ACYP2: variants seen among roughly 807,000 people sequenced by gnomAD.
The protein encoded by ACYP2 is acylphosphatase-2.
A neutral mutation model predicts 11.2 loss-of-function variants in ACYP2; 12 were observed. The ratio of observed to expected loss-of-function variants is 1.08; its 90% confidence interval spans 0.69 to 1.74. ACYP2 has a LOEUF of 1.74. Among genes scored for constraint, ACYP2 ranks in the 40% most tolerant of loss-of-function variants. ACYP2 has a pLI of 0.00. For missense variants in ACYP2, 134 were observed against 101.9 expected (o/e 1.31, Z -1.35); for synonymous variants, 43 against 32.2 (o/e 1.33, Z -1.13).
chr2:54,122,263 T>C (rs1680204184), intron 4 of ACYP2, among the ~76,000 whole-genome samples: 1 of 152,228 alleles, frequency 6.6e-6, no homozygotes, highest in Admixed American at 6.5e-5. Flanking sequence ...TCTTTAAATA[T>C]CAGTGTGTGT....
chr2:53,982,357 C>T (rs1671807415), intron 2 of ACYP2, among the ~76,000 whole-genome samples: 1 of 152,056 alleles, frequency 6.6e-6, no homozygotes, highest in Non-Finnish European at 1.5e-5. Context: ...ATATCAAATC[C>T]CTAGTTCTCC....
intron 2 of ACYP2, among the ~76,000 whole-genome samples, chr2:54,042,111 A>AT (rs1468518622): frequency 6.6e-6 from 1 of 151,726 alleles, no homozygotes; most frequent in Non-Finnish European, 1.5e-5. Context: ...AGTGCAAGCA[A>AT]TTCTCCTGCC....
chr2:53,983,904 A>G (rs1384249412), intron 2 of ACYP2, among the ~76,000 whole-genome samples: 1 of 152,214 alleles, frequency 6.6e-6, no homozygotes, highest in African/African-American at 2.4e-5. Flanking sequence ...CAGAAAATGT[A>G]TATCATGGCA....
At chr2:54,044,313 G>A (rs1418582935) in intron 2 of ACYP2, among the ~76,000 whole-genome samples, 4 of 152,150 alleles carry the variant, frequency 2.6e-5, no homozygotes, top group African/African-American at 7.2e-5. Context: ...GAAGATCTAC[G>A]GCTGAGTGCG....
At chr2:54,090,158 AG>A (rs1230353762) in intron 4 of ACYP2, among the ~76,000 whole-genome samples, 1 of 150,174 alleles carries the variant, frequency 6.7e-6, no homozygotes, top group Admixed American at 6.7e-5. Context: ...AAAAAAAAAA[AG>A]TTTGCCCATG....
chr2:54,003,210 A>G (rs186159368), intron 2 of ACYP2, among the ~76,000 whole-genome samples: 159 of 152,212 alleles, frequency 1.0e-3, no homozygotes, highest in Non-Finnish European at 1.9e-3. Context: ...AGCCTCCCAA[A>G]GTGATGGGAT....
At position 53,972,306 on chromosome 2, in the gene ACYP2, G is replaced by T. The variant is rs1458466838; in HGVS notation, c.-37+985G>T. ...GCCTGGGCAACAAGAGCGAAACTCC[G>T]TCTCAAAAAATAAAAGGGCCAGGCG... On this transcript the variant is annotated intron_variant, in intron 1 of 6. Coordinates refer to ENST00000607452, the MANE Select transcript of ACYP2 (RefSeq NM_001320586.2). Among the ~76,000 whole-genome samples the T allele has an allele frequency of 6.6e-5, 9 of 135,382 alleles. No homozygotes were observed. In the East Asian group the frequency reaches 2.1e-3, roughly 31 times the overall value. 88.8% of individuals were successfully genotyped at this position (135,382 alleles called of 152,430 possible).
chr2:54,245,929 C>G (rs13407815), intron 6 of ACYP2, among the ~76,000 whole-genome samples: 1,970 of 152,168 alleles, frequency 0.013, 41 homozygotes, highest in African/African-American at 0.045. Flanking sequence ...AAATCTTGCC[C>G]CAGACCAATG....
At chr2:54,282,563 T>C (rs991376774) in intron 6 of ACYP2, among the ~76,000 whole-genome samples, 6 of 152,248 alleles carry the variant, frequency 3.9e-5, no homozygotes, top group Non-Finnish European at 7.3e-5. Context: ...AGAAAACTTA[T>C]TCACTTCCTT....
intron 6 of ACYP2, among the ~76,000 whole-genome samples, chr2:54,160,686 G>C (rs765181316): frequency 2.0e-5 from 3 of 152,196 alleles, no homozygotes; most frequent in Admixed American, 1.3e-4. Context: ...GGGAACATGT[G>C]ACTGGAACAT....
intron 6 of ACYP2, among the ~76,000 whole-genome samples, chr2:54,177,058 A>G (rs569515004): frequency 6.6e-6 from 1 of 152,278 alleles, no homozygotes; most frequent in South Asian, 2.1e-4. Flanking sequence ...ACAGATTTAG[A>G]GATTTGGGAT....
At chr2:54,156,132 T>C (rs2103819269) in intron 6 of ACYP2, among the ~76,000 whole-genome samples, 1 of 152,316 alleles carries the variant, frequency 6.6e-6, no homozygotes. Flanking sequence ...GGATGGAAAA[T>C]TCTACATATG....
intron 6 of ACYP2, among the ~76,000 whole-genome samples, chr2:54,163,242 A>G (rs1682804563): frequency 6.6e-6 from 1 of 152,160 alleles, no homozygotes; most frequent in Non-Finnish European, 1.5e-5. Context: ...TCTGTGATTT[A>G]TGTGTATATG....
At chr2:54,296,112 A>G (rs565916041) in intron 6 of ACYP2, among the ~76,000 whole-genome samples, 2 of 152,308 alleles carry the variant, frequency 1.3e-5, no homozygotes, top group South Asian at 4.1e-4. Context: ...GGCATATAAT[A>G]AACACATAGA....
At chr2:54,177,393 T>A (rs187741733) in intron 6 of ACYP2, among the ~76,000 whole-genome samples, 146 of 152,274 alleles carry the variant, frequency 9.6e-4, no homozygotes, top group African/African-American at 3.4e-3. Context: ...TGCTGGTAGT[T>A]ACTTCCTCTG....
intron 6 of ACYP2, among the ~76,000 whole-genome samples, chr2:54,186,328 C>T (rs1683993656): frequency 1.3e-5 from 2 of 152,154 alleles, no homozygotes; most frequent in Non-Finnish European, 2.9e-5. Context: ...TAGCTTCTCT[C>T]AGGCACTGCA....
chr2:54,108,503 C>T (rs377761071), intron 4 of ACYP2, among the ~76,000 whole-genome samples: 24 of 152,276 alleles, frequency 1.6e-4, no homozygotes, highest in Non-Finnish European at 2.4e-4. Flanking sequence ...ATCTCTTCCC[C>T]GGATAGGCTC....
At chr2:54,002,603 C>G (rs912236073) in intron 2 of ACYP2, among the ~76,000 whole-genome samples, 1 of 149,814 alleles carries the variant, frequency 6.7e-6, no homozygotes, top group South Asian at 2.1e-4. Flanking sequence ...CCTCGGCCTC[C>G]CAAAGTGCTA....
intron 2 of ACYP2, among the ~76,000 whole-genome samples, chr2:53,986,610 G>A (rs1270906871): frequency 2.0e-5 from 3 of 148,610 alleles, no homozygotes; most frequent in Middle Eastern, 3.6e-3. Flanking sequence ...AATTACAGGC[G>A]TGAGCCACCA....
Sources: gnomAD v4.1 joint callset for allele counts (sites outside exome capture counted in the v4.1 genomes callset) on GRCh38, gnomAD v4.1.1 for gene constraint, MANE v1.5 for transcripts, NCBI Gene and HGNC (gene_info 2026-07-23, HGNC 2026-07-21) for gene names.